CADPS: variants seen among roughly 807,000 people sequenced by gnomAD.
CADPS encodes calcium dependent secretion activator.
CADPS carries 57 observed loss-of-function variants against 167.3 expected under a neutral mutation model. The ratio of observed to expected loss-of-function variants is 0.34; its 90% CI spans 0.28 to 0.42. The LOEUF is 0.42. CADPS is among the 20% of genes least tolerant of loss of function. The pLI is 1.00. For missense variants in CADPS, 1,414 were observed against 1,738.1 expected (o/e 0.81, Z 3.32); for synonymous variants, 676 against 635.3 (o/e 1.06, Z -0.96).
chr3:62,706,774 C>T (rs1349656951), intron 3 of CADPS, among the ~76,000 whole-genome samples: 1 of 152,012 alleles, frequency 6.6e-6, no homozygotes, highest in Non-Finnish European at 1.5e-5. Context: ...TAGGGCTGAC[C>T]CTACTGGCCT....
chr3:62,623,811 A>C (rs2063558391), intron 6 of CADPS, among the ~76,000 whole-genome samples: 1 of 152,190 alleles, frequency 6.6e-6, no homozygotes, highest in Non-Finnish European at 1.5e-5. Flanking sequence ...TGTTTCAGTC[A>C]ATAAAAATAA....
At chr3:62,553,634 C>G (rs2077656139) in intron 10 of CADPS, among the ~76,000 whole-genome samples, 2 of 152,136 alleles carry the variant, frequency 1.3e-5, no homozygotes, top group South Asian at 4.1e-4. Context: ...AGAGAAACAT[C>G]TAAAGAAATG....
intron 1 of CADPS, among the ~76,000 whole-genome samples, chr3:62,826,538 G>T (rs548013944): frequency 2.0e-5 from 3 of 152,264 alleles, no homozygotes; most frequent in Non-Finnish European, 4.4e-5. Context: ...GTGATGGTAA[G>T]AAGGGCAGAA....
At chr3:62,540,130 G>A (rs833674) in intron 11 of CADPS, among the ~76,000 whole-genome samples, 10,202 of 152,172 alleles carry the variant, frequency 0.067, 395 homozygotes, top group East Asian at 0.16. Context: ...AGTAGTTAGT[G>A]AGCCAAGGAT....
At chr3:62,813,398 A>G (rs1179044487) in intron 1 of CADPS, among the ~76,000 whole-genome samples, 1 of 152,174 alleles carries the variant, frequency 6.6e-6, no homozygotes, top group African/African-American at 2.4e-5. Flanking sequence ...GTGCTGAGAT[A>G]GCTGGCTAAC....
At chr3:62,833,862 T>C (rs2075504929) in intron 1 of CADPS, among the ~76,000 whole-genome samples, 2 of 152,132 alleles carry the variant, frequency 1.3e-5, no homozygotes, top group Admixed American at 6.5e-5. Context: ...TACTAAAAAA[T>C]ACTAATTGGG....
intron 28 of CADPS, among the ~76,000 whole-genome samples, chr3:62,422,300 T>C (rs1314116995): frequency 6.6e-6 from 1 of 152,164 alleles, no homozygotes; most frequent in Non-Finnish European, 1.5e-5. Context: ...CCAACCTGAA[T>C]GCCAAAACCA....
chr3:62,528,553 G>C (rs771752987), intron 13 of CADPS, among the ~76,000 whole-genome samples: 19 of 152,094 alleles, frequency 1.2e-4, no homozygotes, highest in Non-Finnish European at 1.9e-4. Context: ...TATTTCACTT[G>C]TTATTGTAAT....
At chr3:62,657,472 C>T (rs993650134) in intron 4 of CADPS, among the ~76,000 whole-genome samples, 6 of 152,176 alleles carry the variant, frequency 3.9e-5, no homozygotes, top group Non-Finnish European at 8.8e-5. Flanking sequence ...TCTGCTTAAG[C>T]TCAAATGTCA....
intron 1 of CADPS, among the ~76,000 whole-genome samples, chr3:62,827,973 C>A (rs915731673): frequency 6.6e-6 from 1 of 152,250 alleles, no homozygotes; most frequent in East Asian, 1.9e-4. Context: ...ATGTGGTTCA[C>A]AGAAGGCAAA....
chr3:62,771,734 G>C (rs1312021459), intron 1 of CADPS, among the ~76,000 whole-genome samples: 1 of 152,202 alleles, frequency 6.6e-6, no homozygotes, highest in Non-Finnish European at 1.5e-5. Flanking sequence ...TATTGTAGAA[G>C]ACAGTGCTGC....
intron 5 of CADPS, among the ~76,000 whole-genome samples, chr3:62,649,717 T>TA (rs982759723): frequency 4.6e-5 from 7 of 151,568 alleles, no homozygotes; most frequent in African/African-American, 1.2e-4. Context: ...CTCAGCTAAT[T>TA]AAAAAAAATT....
chr3:62,769,226 CTT>C (rs34651999), intron 1 of CADPS, among the ~76,000 whole-genome samples: 1 of 146,630 alleles, frequency 6.8e-6, no homozygotes, highest in African/African-American at 2.5e-5. Flanking sequence ...TAATTCTCAT[CTT>C]TTTTTTTTTT....
At chr3:62,558,840 C>T (rs1474806409) in intron 9 of CADPS, among the ~76,000 whole-genome samples, 1 of 152,192 alleles carries the variant, frequency 6.6e-6, no homozygotes, top group Non-Finnish European at 1.5e-5. Context: ...ATCACAATGC[C>T]AGGGGAAACC....
intron 6 of CADPS, among the ~76,000 whole-genome samples, chr3:62,631,379 A>G (rs771887897): frequency 3.3e-5 from 5 of 152,080 alleles, no homozygotes; most frequent in Admixed American, 6.5e-5. Flanking sequence ...GTAACAAAAC[A>G]CTCTATTTAC....
chr3:62,569,324 A>G (rs1335068587), intron 9 of CADPS, among the ~76,000 whole-genome samples: 1 of 151,468 alleles, frequency 6.6e-6, no homozygotes, highest in African/African-American at 2.4e-5. Context: ...CTAGTCTTGA[A>G]CTCCTGATCT....
At chr3:62,471,426 T>C (rs749868904) in intron 24 of CADPS, among the ~76,000 whole-genome samples, 35 of 152,298 alleles carry the variant, frequency 2.3e-4, no homozygotes, top group Non-Finnish European at 3.5e-4. Flanking sequence ...AGTATTTTTT[T>C]CCCCTGAGAA....
intron 5 of CADPS, among the ~76,000 whole-genome samples, chr3:62,649,301 T>C (rs1413156609): frequency 6.6e-6 from 1 of 152,154 alleles, no homozygotes; most frequent in Non-Finnish European, 1.5e-5. Flanking sequence ...GACAACTTGA[T>C]TGTGGCATGT....
intron 7 of CADPS, among the ~76,000 whole-genome samples, 176 bp downstream of exon 7, chr3:62,592,461 G>A (rs2086266830): frequency 6.6e-6 from 1 of 152,154 alleles, no homozygotes; most frequent in African/African-American, 2.4e-5. Flanking sequence ...GAGGCTCAGA[G>A]AGGTTGAGGA....
Sources: gnomAD v4.1 joint callset for allele counts (sites outside exome capture counted in the v4.1 genomes callset) on GRCh38, gnomAD v4.1.1 for gene constraint, MANE v1.5 for transcripts, NCBI Gene and HGNC (gene_info 2026-07-23, HGNC 2026-07-21) for gene names.